SNTG1: variants seen among roughly 807,000 people sequenced by gnomAD.
The protein encoded by SNTG1 is syntrophin gamma 1.
A neutral mutation model predicts 74.7 loss-of-function variants in SNTG1; 39 were observed. The observed-to-expected ratio is 0.52, with a 90% confidence interval of 0.40 to 0.68. The LOEUF (loss-of-function observed/expected upper bound fraction) is 0.68, where lower values mean the gene tolerates loss of function less well. Ranked by LOEUF, SNTG1 falls within the 30% of genes least tolerant of loss-of-function variation. The probability of loss-of-function intolerance (pLI) is 0.00; values close to 1 mark genes in which losing one functional copy is unlikely to be tolerated. For synonymous variants in SNTG1, 254 were observed against 217.1 expected, an observed-to-expected ratio of 1.17 and a Z score of -1.49; for missense variants, 685 against 609.5, an observed-to-expected ratio of 1.12 and a Z score of -1.30.
At chr8:50,244,184 G>A (rs1424433720) in intron 2 of SNTG1, among the ~76,000 whole-genome samples, 2 of 151,958 alleles carry the variant, frequency 1.3e-5, no homozygotes, top group African/African-American at 2.4e-5. Context: ...TTTACAACAC[G>A]CAGATCTTGG....
intron 13 of SNTG1, among the ~76,000 whole-genome samples, chr8:50,655,785 G>C (rs2095176490): frequency 1.3e-5 from 2 of 152,138 alleles, no homozygotes; most frequent in African/African-American, 2.4e-5. Context: ...CCACATTAAT[G>C]CTGCAAAACA....
At chr8:49,984,075 C>G (rs1812930345) in intron 1 of SNTG1, among the ~76,000 whole-genome samples, 1 of 152,136 alleles carries the variant, frequency 6.6e-6, no homozygotes, top group African/African-American at 2.4e-5. Context: ...GATTAAAAAT[C>G]CTGTTTGGAA....
chr8:50,740,936 T>A (rs976581125), intron 17 of SNTG1, among the ~76,000 whole-genome samples: 14 of 152,022 alleles, frequency 9.2e-5, no homozygotes, highest in Admixed American at 3.3e-4. Flanking sequence ...AGGAGCTAAA[T>A]GATGAGAACA....
intron 15 of SNTG1, among the ~76,000 whole-genome samples, chr8:50,697,842 T>A (rs962822965): frequency 6.6e-6 from 1 of 152,194 alleles, no homozygotes; most frequent in African/African-American, 2.4e-5. Context: ...TGTTGAGAAT[T>A]TATTGATAAT....
intron 2 of SNTG1, among the ~76,000 whole-genome samples, chr8:50,206,772 T>A (rs531712550): frequency 2.3e-4 from 35 of 151,840 alleles, no homozygotes; most frequent in South Asian, 1.0e-3. Flanking sequence ...GTTTTTAGCA[T>A]GAAGGGTTGT....
At chr8:50,506,692 T>G (rs1416975924) in intron 9 of SNTG1, among the ~76,000 whole-genome samples, 1 of 152,096 alleles carries the variant, frequency 6.6e-6, no homozygotes, top group Non-Finnish European at 1.5e-5. Flanking sequence ...GTTTATTAGA[T>G]CTAACATTTT....
chr8:50,098,589 T>C (rs997239716), intron 1 of SNTG1, among the ~76,000 whole-genome samples: 4 of 152,122 alleles, frequency 2.6e-5, no homozygotes, highest in African/African-American at 7.2e-5. Context: ...GTGGAGATCC[T>C]GGAGCCAGTT....
intron 2 of SNTG1, among the ~76,000 whole-genome samples, chr8:50,327,271 G>T (rs570080062): frequency 6.6e-6 from 1 of 152,216 alleles, no homozygotes; most frequent in African/African-American, 2.4e-5. Context: ...TGTTTAAGTT[G>T]CAAAGATAAT....
intron 13 of SNTG1, among the ~76,000 whole-genome samples, chr8:50,603,565 G>A (rs1409819373): frequency 1.3e-5 from 2 of 152,130 alleles, no homozygotes; most frequent in Middle Eastern, 3.4e-3. Context: ...TAGTCTTGAT[G>A]CTTATGGAGG....
chr8:50,729,919 G>T (rs1190781596), intron 17 of SNTG1, among the ~76,000 whole-genome samples: 1 of 152,110 alleles, frequency 6.6e-6, no homozygotes, highest in Non-Finnish European at 1.5e-5. Context: ...TGGGTAAAAA[G>T]GCAAATCGGC....
chr8:50,757,118 G>C (rs1046308004), intron 18 of SNTG1, among the ~76,000 whole-genome samples: 1 of 151,664 alleles, frequency 6.6e-6, no homozygotes, highest in African/African-American at 2.4e-5. Flanking sequence ...TTTTTATCAA[G>C]TTGAGGATGT....
chr8:50,411,380 A>C (rs913048387), intron 4 of SNTG1, among the ~76,000 whole-genome samples: 1 of 151,018 alleles, frequency 6.6e-6, no homozygotes, highest in Non-Finnish European at 1.5e-5. Context: ...CCTGGGAGGC[A>C]GAGCTTGCAG....
chr8:50,038,336 C>T (rs1818336621), intron 1 of SNTG1, among the ~76,000 whole-genome samples: 1 of 152,134 alleles, frequency 6.6e-6, no homozygotes, highest in African/African-American at 2.4e-5. Context: ...AACTGTAGTT[C>T]TCTTAGTGCA....
At chr8:50,637,290 A>G (rs976684141) in intron 13 of SNTG1, among the ~76,000 whole-genome samples, 1 of 151,990 alleles carries the variant, frequency 6.6e-6, no homozygotes, top group Admixed American at 6.6e-5. Context: ...TGTCCTTTAA[A>G]CTCATGAACT....
intron 17 of SNTG1, among the ~76,000 whole-genome samples, chr8:50,738,943 G>A (rs149393893): frequency 7.1e-4 from 108 of 151,780 alleles, no homozygotes; most frequent in African/African-American, 2.2e-3. Context: ...AACATAAGAC[G>A]TAAAACCATA....
chr8:50,504,503 G>A (rs1258245546), intron 9 of SNTG1, among the ~76,000 whole-genome samples: 6 of 152,128 alleles, frequency 3.9e-5, no homozygotes, highest in Admixed American at 2.0e-4. Context: ...ATAAATTGCC[G>A]AATTTAGGTG....
At chr8:50,543,547 G>A (rs1470460913) in intron 11 of SNTG1, among the ~76,000 whole-genome samples, 2 of 151,922 alleles carry the variant, frequency 1.3e-5, no homozygotes, top group Non-Finnish European at 2.9e-5. Context: ...TTTCATTTCT[G>A]AGTGATATCC....
chr8:50,249,091 C>T (rs1554619208), intron 2 of SNTG1, among the ~76,000 whole-genome samples: 1 of 152,036 alleles, frequency 6.6e-6, no homozygotes, highest in Non-Finnish European at 1.5e-5. Flanking sequence ...ACAGGAGAAA[C>T]CTCTTCCTAC....
intron 1 of SNTG1, among the ~76,000 whole-genome samples, chr8:49,984,801 T>C (rs1303249100): frequency 6.6e-6 from 1 of 152,150 alleles, no homozygotes; most frequent in Admixed American, 6.5e-5. Context: ...GCTGATTTCA[T>C]TAAAAGGTTG....
Sources: allele counts gnomAD v4.1 joint callset (sites outside exome capture counted in the v4.1 genomes callset), GRCh38; gene constraint gnomAD v4.1.1; transcripts MANE v1.5; gene names NCBI Gene and HGNC (gene_info 2026-07-23, HGNC 2026-07-21).